ADCY5: variants seen among roughly 807,000 people sequenced by gnomAD.
The protein encoded by ADCY5 is adenylate cyclase type 5.
In ADCY5, 30 loss-of-function variants were observed where a neutral mutation model predicts 119.7. That is an observed-to-expected ratio of 0.25 (90% confidence interval 0.19 to 0.34). The LOEUF (loss-of-function observed/expected upper bound fraction) is 0.34, where lower values mean the gene tolerates loss of function less well. Ranked by LOEUF, ADCY5 falls within the 10% of genes least tolerant of loss-of-function variation. The pLI is 1.00. For synonymous variants in ADCY5, 753 were observed against 762.2 expected (o/e 0.99, Z 0.20); for missense variants, 1,324 against 1,775.2 (o/e 0.75, Z 4.57).
intron 1 of ADCY5, among the ~76,000 whole-genome samples, chr3:123,427,396 C>T (rs1461537935): frequency 1.3e-5 from 2 of 152,224 alleles, no homozygotes; most frequent in Non-Finnish European, 2.9e-5. Flanking sequence ...TCCCACTTAC[C>T]AGCCAGCCTC....
In ADCY5 at chr3:123,314,270, C is replaced by A. The variant is rs373285892; in HGVS notation, c.2407G>T (p.Val803Leu). Residue 803 changes from valine (V) to leucine (L), a missense_variant, in exon 12 of 21, where the codon GTG becomes TTG. Coordinates refer to ENST00000462833, the MANE Select transcript of ADCY5 (RefSeq NM_183357.3). ...YLTCSLLLTL[V>L]VFVSVIYSCV... ...GAGTAGATCACAGACACAAACACCA[C>A]CAAGGTCAGCAGCAGGGAACAGGTC... 6.2e-7 allele frequency: 1 copy of A among 1,613,902 alleles called. No individual in the cohort carries two copies. The highest frequency in any genetic ancestry group is 1.3e-5 in the African/African-American group (1 of 75,028).
At chr3:123,390,124 G>A (rs1944360677) in intron 1 of ADCY5, among the ~76,000 whole-genome samples, 1 of 152,212 alleles carries the variant, frequency 6.6e-6, no homozygotes, top group African/African-American at 2.4e-5. Flanking sequence ...CCAGGAAGCT[G>A]GACAGACACT....
intron 1 of ADCY5, among the ~76,000 whole-genome samples, chr3:123,400,817 G>A (rs1188980555): frequency 1.3e-5 from 2 of 151,972 alleles, no homozygotes; most frequent in African/African-American, 2.4e-5. Context: ...GGTGGCATGC[G>A]CCTGTAATCC....
In ADCY5 at chr3:123,319,767, G is replaced by A. The variant is rs773115066; in HGVS notation, c.2163C>T (p.Gly721=). ...NPEDEVDEFL[G]RAIDARSIDR... Reference sequence around the variant, plus strand: ...CAATGCTCCTGGCGTCAATGGCACGGCCCAGAAACTCATCCACTTCATCCT... The same window carrying A: ...CAATGCTCCTGGCGTCAATGGCACGACCCAGAAACTCATCCACTTCATCCT... Residue 721 remains glycine, a synonymous_variant, in exon 10 of 21, where the codon GGC becomes GGT. Coordinates refer to ENST00000462833, the MANE Select transcript of ADCY5 (RefSeq NM_183357.3). The A allele has an allele frequency of 1.1e-5, 18 of 1,614,214 alleles. No homozygotes were observed. In the Admixed American group the frequency reaches 2.5e-4, roughly 22 times the overall value.
At chr3:123,296,526 A>T (rs964040870) in intron 16 of ADCY5, among the ~76,000 whole-genome samples, 1 of 152,116 alleles carries the variant, frequency 6.6e-6, no homozygotes, top group Non-Finnish European at 1.5e-5. Context: ...TAGCTTTCTA[A>T]AAGGCAGCAT....
chr3:123,441,129 C>T (rs972375844), intron 1 of ADCY5, among the ~76,000 whole-genome samples: 1 of 152,162 alleles, frequency 6.6e-6, no homozygotes, highest in African/African-American at 2.4e-5. Context: ...GTCTTCTTGG[C>T]CAATGATCCC....
chr3:123,425,625 G>A (rs529084697), intron 1 of ADCY5, among the ~76,000 whole-genome samples: 1 of 152,306 alleles, frequency 6.6e-6, no homozygotes, highest in South Asian at 2.1e-4. Flanking sequence ...TCCCCAGAAG[G>A]GATGCTGGTC....
chr3:123,365,039 T>C (rs1943385676), intron 1 of ADCY5, among the ~76,000 whole-genome samples: 1 of 151,920 alleles, frequency 6.6e-6, no homozygotes, highest in Non-Finnish European at 1.5e-5. Flanking sequence ...GTTCAAGTAA[T>C]TCTCCTGTGT....
chr3:123,312,962 G>A (rs1269190284), intron 12 of ADCY5, among the ~76,000 whole-genome samples: 1 of 152,222 alleles, frequency 6.6e-6, no homozygotes, highest in African/African-American at 2.4e-5. Context: ...TGAACATGGG[G>A]CAGGAGGGAG....
intron 1 of ADCY5, among the ~76,000 whole-genome samples, chr3:123,396,029 GGA>G (rs1944542237): frequency 1.8e-5 from 2 of 112,192 alleles, no homozygotes; most frequent in Non-Finnish European, 3.5e-5. Flanking sequence ...AGGGAGGGAG[GGA>G]GAGAGGGAGG....
rs114349865 is a variant in ADCY5, at chr3:123,391,839, C to T, written c.1135-39258G>A. Among the ~76,000 whole-genome samples, 255 of 152,302 alleles carry T rather than the reference C, an allele frequency of 1.7e-3. 2 individuals are homozygous for T. The highest frequency in any genetic ancestry group is 5.0e-3 in the African/African-American group (208 of 41,560). Reference sequence around the variant, plus strand: ...ACAGGACCTTATGCTATAGTCCCACCGGCTAACAGTTCGCCTGGGGTGGCC... The same window carrying T: ...ACAGGACCTTATGCTATAGTCCCACTGGCTAACAGTTCGCCTGGGGTGGCC... On this transcript the variant is annotated intron_variant, in intron 1 of 20. Coordinates refer to ENST00000462833, the MANE Select transcript of ADCY5 (RefSeq NM_183357.3).
At chr3:123,390,958 G>A (rs914359290) in intron 1 of ADCY5, among the ~76,000 whole-genome samples, 3 of 126,918 alleles carry the variant, frequency 2.4e-5, no homozygotes, top group Non-Finnish European at 5.0e-5. Context: ...GGAATAAGGT[G>A]CCTAAAGCTG....
chr3:123,381,650 T>C (rs1262216628), intron 1 of ADCY5, among the ~76,000 whole-genome samples: 3 of 152,230 alleles, frequency 2.0e-5, no homozygotes, highest in Non-Finnish European at 4.4e-5. Flanking sequence ...AGGGGTCCCA[T>C]ATTTTCATTT....
chr3:123,309,620 G>C (rs1366355574), intron 12 of ADCY5, among the ~76,000 whole-genome samples: 2 of 152,184 alleles, frequency 1.3e-5, no homozygotes, highest in African/African-American at 2.4e-5. Flanking sequence ...AGCATAGCTT[G>C]GATGTGCATC....
chr3:123,298,133 G>C (rs1458320283), intron 15 of ADCY5, among the ~76,000 whole-genome samples: 2 of 152,120 alleles, frequency 1.3e-5, no homozygotes, highest in South Asian at 2.1e-4. Context: ...CCAAGTAGCT[G>C]GGATTACAGG....
chr3:123,348,306 T>C (rs1421179860), intron 2 of ADCY5, among the ~76,000 whole-genome samples: 3 of 151,568 alleles, frequency 2.0e-5, no homozygotes, highest in Non-Finnish European at 4.4e-5. Context: ...GAGGATGGAG[T>C]TGTTGAGAGC....
In ADCY5 at chr3:123,304,096, G is replaced by A; in HGVS notation, c.2530C>T (p.Leu844=). The part of the protein sequence containing the change: ...STLVGVFTIT[L]VFLAAFVNMF... ...TTGACAAAAGCCGCCAGGAACACCA[G>A]GGTGATGGTGAACACCCCAACCAGG... The change falls in exon 13 of 21, where the codon CTG becomes TTG. Residue 844 remains leucine (L), a synonymous_variant. Coordinates refer to ENST00000462833, the MANE Select transcript of ADCY5 (RefSeq NM_183357.3). 1.2e-6 allele frequency: 2 copies of A among 1,613,852 alleles called. No individual in the cohort carries two copies. Among genetic ancestry groups the A allele is most frequent in the Non-Finnish European group, 1.7e-6 (2 of 1,179,818 alleles).
At chr3:123,355,619 A>G (rs1004840732) in intron 1 of ADCY5, among the ~76,000 whole-genome samples, 1 of 151,538 alleles carries the variant, frequency 6.6e-6, no homozygotes, top group Non-Finnish European at 1.5e-5. Context: ...AGAAACCATG[A>G]AATACTTCAG....
At chr3:123,435,851 T>TTTTTTATTATTA (rs1482102548) in intron 1 of ADCY5, among the ~76,000 whole-genome samples, 3 of 125,878 alleles carry the variant, frequency 2.4e-5, no homozygotes, top group African/African-American at 9.0e-5. Flanking sequence ...CAAGAGCCCT[T>TTTTTTATTATTA]TTATTATTAT....
Sources: allele counts gnomAD v4.1 joint callset (sites outside exome capture counted in the v4.1 genomes callset), GRCh38; gene constraint gnomAD v4.1.1; transcripts MANE v1.5; gene names NCBI Gene and HGNC (gene_info 2026-07-23, HGNC 2026-07-21).